SLC26A8: variants seen among roughly 807,000 people sequenced by gnomAD.
SLC26A8 encodes the protein solute carrier family 26 member 8.
In SLC26A8, 70 loss-of-function variants were observed where a neutral mutation model predicts 105.0. The ratio of observed to expected loss-of-function variants is 0.67; its 90% CI spans 0.55 to 0.81. The LOEUF is 0.81. Among genes scored for constraint, SLC26A8 ranks in the 40% least tolerant of loss-of-function variants. SLC26A8 has a pLI of 0.00. For missense variants in SLC26A8, 998 were observed against 1,181.8 expected (o/e 0.84, Z 2.28); for synonymous variants, 415 against 438.3 (o/e 0.95, Z 0.66).
intron 12 of SLC26A8, among the ~76,000 whole-genome samples, chr6:35,962,241 AAG>A (rs1772336337): frequency 6.6e-6 from 1 of 151,370 alleles, no homozygotes; most frequent in Admixed American, 6.6e-5. Context: ...AAAAAAAAAA[AAG>A]TTATCCAAAT....
rs1771582600 is a variant in SLC26A8 at position 35,944,169 on chromosome 6, G to C, written c.2644C>G (p.Leu882Val). 6.2e-7 allele frequency: 1 copy of C among 1,614,112 alleles called. No homozygotes were observed. The highest frequency in any genetic ancestry group is 8.5e-7 in the Non-Finnish European group (1 of 1,180,020). ...LGLDLDLDRE[L>V]EPEMEPKAET... ...GCCTTGGGCTCCATTTCAGGCTCCA[G>C]CTCCCGATCCAGGTCTAGGTCCAGA... The change falls in exon 20 of 20, where the codon CTG becomes GTG. Residue 882 changes from leucine to valine, a missense_variant. Leu to Val is a conservative substitution (Grantham distance 32). Transcript: ENST00000490799.
chr6:35,955,560 C>A (rs1294323862), intron 16 of SLC26A8, 40 bp from the exon 17 acceptor site: 1 of 1,597,658 alleles, frequency 6.3e-7, no homozygotes, highest in Admixed American at 1.7e-5. Context: ...GGTAAGACAC[C>A]AACAAGGGCC....
intron 6 of SLC26A8, 150 bp downstream of exon 6, chr6:35,992,360 G>T: frequency 1.4e-6 from 1 of 692,292 alleles, no homozygotes; most frequent in Non-Finnish European, 2.2e-6. Flanking sequence ...CTCCAATAAA[G>T]GAAAATATTT....
In SLC26A8 at chr6:36,012,348, T is replaced by A; in HGVS notation, c.213A>T (p.Arg71=). ...GGAAGGGAAAGATTGTAAGCACGCATCGTAGGAACCTGTGCCATGAGCAGC... is the reference window on the plus strand; with the variant it reads ...GGAAGGGAAAGATTGTAAGCACGCAACGTAGGAACCTGTGCCATGAGCAGC... The part of the protein sequence containing the change: ...QCRCSWHRFL[R]CVLTIFPFLE... Residue 71 remains arginine, a synonymous_variant, in exon 3 of 20, where the codon CGA becomes CGT. Coordinates refer to ENST00000490799, the MANE Select transcript of SLC26A8 (RefSeq NM_052961.4). 1 of 1,600,750 alleles carries A rather than the reference T, an allele frequency of 6.2e-7. No individual in the cohort carries two copies.
At chr6:36,009,920 A>T (rs1003500090) in intron 3 of SLC26A8, among the ~76,000 whole-genome samples, 1 of 152,198 alleles carries the variant, frequency 6.6e-6, no homozygotes, top group Non-Finnish European at 1.5e-5. Context: ...CTCAAAATAG[A>T]AAGTTTGATT....
At chr6:35,961,965 C>T (rs576596324) in intron 12 of SLC26A8, among the ~76,000 whole-genome samples, 1 of 152,322 alleles carries the variant, frequency 6.6e-6, no homozygotes, top group South Asian at 2.1e-4. Context: ...CAGTGGCTCA[C>T]GCCTGTAATC....
chr6:36,024,583 G>C lies in SLC26A8; in HGVS notation c.-82C>G, dbSNP rs1207279392. On this transcript the variant is annotated 5_prime_UTR_variant, in exon 1 of 20. In the 5' UTR this introduces an upstream ATG that the reference lacks. Transcript: ENST00000490799. ...CCTGGCTGGCGGCGCTGCGGACGCG[G>C]ATACCGGCGGCGGTTCCCGAGCCGT... 2.7e-6 allele frequency: 1 copy of C among 371,918 alleles called. No individual in the cohort carries two copies. Among genetic ancestry groups the C allele is most frequent in the Non-Finnish European group, 5.3e-6 (1 of 190,330 alleles). The allele number at this position is 371,918 out of a possible 1,614,324, so 23.0% of individuals were successfully genotyped here.
At chr6:35,989,536 G>A (rs950911047) in intron 7 of SLC26A8, 1 of 152,140 alleles carries the variant, frequency 6.6e-6, no homozygotes, top group Non-Finnish European at 1.5e-5. Flanking sequence ...CTACTTTGTA[G>A]AGGTGAACAG....
chr6:36,011,853 T>C (rs754369226), intron 3 of SLC26A8, among the ~76,000 whole-genome samples: 6 of 152,152 alleles, frequency 3.9e-5, no homozygotes, highest in Non-Finnish European at 7.4e-5. Flanking sequence ...AAGCAATCTG[T>C]CTGCCTTGGC....
chr6:36,009,585 C>A (rs1761792965), intron 3 of SLC26A8, among the ~76,000 whole-genome samples: 1 of 152,082 alleles, frequency 6.6e-6, no homozygotes, highest in African/African-American at 2.4e-5. Context: ...GGGAAAAAAA[C>A]CAATACCAAA....
intron 5 of SLC26A8, among the ~76,000 whole-genome samples, chr6:35,994,823 C>T (rs1195095885): frequency 1.3e-5 from 2 of 152,140 alleles, no homozygotes; most frequent in African/African-American, 2.4e-5. Flanking sequence ...GTGATCCACC[C>T]GCTTTGGTCT....
chr6:36,002,879 T>C (rs941582619), intron 3 of SLC26A8, among the ~76,000 whole-genome samples: 1 of 152,056 alleles, frequency 6.6e-6, no homozygotes, highest in African/African-American at 2.4e-5. Flanking sequence ...AATTTTTGTA[T>C]TTTTAGTAGA....
At chr6:36,021,011 A>T (rs1762115039) in intron 1 of SLC26A8, among the ~76,000 whole-genome samples, 1 of 152,230 alleles carries the variant, frequency 6.6e-6, no homozygotes, top group African/African-American at 2.4e-5. Flanking sequence ...GAGTTATGTC[A>T]TTAAATTTCC....
At chr6:35,963,425 A>C (rs1427955718) in intron 11 of SLC26A8, among the ~76,000 whole-genome samples, 2 of 152,166 alleles carry the variant, frequency 1.3e-5, no homozygotes, top group African/African-American at 4.8e-5. Context: ...AGGTCTATGA[A>C]TGCTCCTAAG....
At chr6:35,989,440 T>C (rs1773664150) in intron 7 of SLC26A8, 2 of 152,236 alleles carry the variant, frequency 1.3e-5, no homozygotes, top group African/African-American at 2.4e-5. Flanking sequence ...ATCTCCGGGT[T>C]TGTTCCTTAT....
rs185145210 is a variant in SLC26A8, at chr6:35,973,268, T to C, written c.1287+2107A>G. ...AAACTCTCCAAGTCTCTTTGGAGTCTCTTTGACTCCAAAGTTTTTGCATGC... is the reference window on the plus strand; with the variant it reads ...AAACTCTCCAAGTCTCTTTGGAGTCCCTTTGACTCCAAAGTTTTTGCATGC... On this transcript the variant is annotated intron_variant, in intron 10 of 19. Coordinates refer to ENST00000490799, the MANE Select transcript of SLC26A8 (RefSeq NM_052961.4). 1.8e-4 allele frequency among the ~76,000 whole-genome samples: 28 copies of C among 152,364 alleles called. No homozygotes were observed. The East Asian group carries it at 5.2e-3, about 28-fold the overall frequency.
Position 36,000,024 on chromosome 6 carries a change from A to G in SLC26A8, c.413T>C (p.Val138Ala). Residue 138 changes from valine (V) to alanine (A), a missense_variant, in exon 4 of 20, where the codon GTA becomes GCA. Val to Ala is a moderately conservative substitution (Grantham distance 64). Transcript: ENST00000490799. ...CATTTGATGACACGATCCAAAAATT[A>G]CATAGATTACCGAAGAACAGAAAGC... ...YAAFCSSVIY[V>A]IFGSCHQMSI... 1.9e-6 allele frequency: 3 copies of G among 1,614,044 alleles called. No individual in the cohort carries two copies. Among genetic ancestry groups the G allele is most frequent in the South Asian group, 2.2e-5 (2 of 91,086 alleles).
Position 35,992,602 on chromosome 6 carries a change from C to T in SLC26A8, c.700G>A (p.Ala234Thr). The T allele has an allele frequency of 6.2e-7, 1 of 1,614,090 alleles. No homozygotes were observed. Among genetic ancestry groups the T allele is most frequent in the Non-Finnish European group, 8.5e-7 (1 of 1,179,998 alleles). ...AGCATGATATGAAGTGCCACAGCAG[C>T]CAGGTAAGCACTCATTGCAGACTCC... ...LPESAMSAYLAAVALHIMLSQ... is the reference protein window; with the variant it reads ...LPESAMSAYLTAVALHIMLSQ... The change falls in exon 6 of 20, where the codon GCT becomes ACT. Residue 234 changes from alanine (A) to threonine (T), a missense_variant. Ala to Thr is a moderately conservative substitution (Grantham distance 58, BLOSUM62 0). Coordinates refer to ENST00000490799, the MANE Select transcript of SLC26A8 (RefSeq NM_052961.4).
At chr6:35,988,803 A>G (rs1488510790) in intron 7 of SLC26A8, among the ~76,000 whole-genome samples, 1 of 151,630 alleles carries the variant, frequency 6.6e-6, no homozygotes, top group Non-Finnish European at 1.5e-5. Context: ...ATTTAGATAC[A>G]ATAAAGTGCA....
Sources: gnomAD v4.1 joint callset for allele counts (sites outside exome capture counted in the v4.1 genomes callset) on GRCh38, gnomAD v4.1.1 for gene constraint, MANE v1.5 for transcripts, NCBI Gene and HGNC (gene_info 2026-07-23, HGNC 2026-07-21) for gene names.